WWTR1: variants seen among roughly 807,000 people sequenced by gnomAD.
WWTR1 encodes WW domain containing transcription regulator 1, also known as WW domain-containing transcription regulator protein 1.
Under a neutral mutation model 40.1 loss-of-function variants are expected in WWTR1, and 13 were observed. The ratio of observed to expected loss-of-function variants is 0.32; its 90% CI spans 0.21 to 0.52. The LOEUF is 0.52. WWTR1 is among the 20% of genes least tolerant of loss of function. The pLI, the probability that WWTR1 is intolerant of heterozygous loss-of-function variation, is 0.97. For missense variants in WWTR1, 436 were observed against 523.1 expected (o/e 0.83, Z 1.63); for synonymous variants, 230 against 210.1 (o/e 1.09, Z -0.82).
At chr3:149,635,536 G>A (rs531264903) in intron 2 of WWTR1, among the ~76,000 whole-genome samples, 44 of 151,470 alleles carry the variant, frequency 2.9e-4, no homozygotes, top group African/African-American at 1.0e-3. Context: ...AGAAGGAGAA[G>A]GAGAAAGAGA....
intron 1 of WWTR1, among the ~76,000 whole-genome samples, chr3:149,677,664 A>G (rs1033154519): frequency 1.3e-5 from 2 of 152,166 alleles, no homozygotes; most frequent in African/African-American, 2.4e-5. Flanking sequence ...AACATGGTGA[A>G]ACCCCATCTC....
chr3:149,532,521 T>C (rs140901549), intron 4 of WWTR1, among the ~76,000 whole-genome samples: 1 of 152,366 alleles, frequency 6.6e-6, no homozygotes, highest in Non-Finnish European at 1.5e-5. Flanking sequence ...GATGTTTTAC[T>C]TCACTTAAAT....
At chr3:149,566,722 G>A (rs976940791) in intron 3 of WWTR1, among the ~76,000 whole-genome samples, 4 of 151,012 alleles carry the variant, frequency 2.6e-5, no homozygotes, top group Non-Finnish European at 5.9e-5. Flanking sequence ...AAGCCTCTTT[G>A]TATACTTCCT....
chr3:149,712,507 A>G (rs1715498848), intron 5 of WWTR1, among the ~76,000 whole-genome samples: 1 of 152,158 alleles, frequency 6.6e-6, no homozygotes, highest in Non-Finnish European at 1.5e-5. Context: ...CTGTGTTGTT[A>G]TATATTGATC....
chr3:149,698,864 T>C (rs1715079646), intron 1 of WWTR1, among the ~76,000 whole-genome samples: 1 of 152,192 alleles, frequency 6.6e-6, no homozygotes, highest in African/African-American at 2.4e-5. Context: ...GGGAGCAGTG[T>C]TCCTGAGGTT....
At chr3:149,528,316 C>T (rs1735425992) in intron 4 of WWTR1, among the ~76,000 whole-genome samples, 1 of 152,172 alleles carries the variant, frequency 6.6e-6, no homozygotes, top group Non-Finnish European at 1.5e-5. Flanking sequence ...GTTCTCAAAC[C>T]AAATCTACAT....
intron 1 of WWTR1, among the ~76,000 whole-genome samples, chr3:149,694,505 G>C (rs1323501805): frequency 6.6e-6 from 1 of 152,132 alleles, no homozygotes; most frequent in Non-Finnish European, 1.5e-5. Context: ...CAATTGAAAT[G>C]GGCAAAATAT....
intron 1 of WWTR1, among the ~76,000 whole-genome samples, chr3:149,688,123 CTA>C (rs1559841731): frequency 6.6e-6 from 1 of 151,850 alleles, no homozygotes; most frequent in Non-Finnish European, 1.5e-5. Context: ...AAATAAAGTA[CTA>C]AATAGATTCC....
Position 149,657,105 on chromosome 3 carries a change from C to T in WWTR1, c.202G>A (p.Asp68Asn). ...GGCCCCGGGTGGCCGCCCGACGAGT[C>T]GGTGCTGGACTGGCGCGAGTGCGAG... is the stretch of plus-strand genomic sequence containing the variant. ...SGSHSRQSST[D>N]SSGGHPGPRL... Residue 68 changes from aspartate (D) to asparagine (N), a missense_variant, in exon 2 of 7, where the codon GAC becomes AAC. By Grantham distance (23) the Asp-to-Asn change is conservative (BLOSUM62 1). Transcript: ENST00000360632. 6.3e-7 allele frequency: 1 copy of T among 1,580,708 alleles called. No individual in the cohort carries two copies. The highest frequency in any genetic ancestry group is 8.6e-7 in the Non-Finnish European group (1 of 1,166,088).
chr3:149,556,995 C>T (rs184068678), intron 3 of WWTR1, among the ~76,000 whole-genome samples: 233 of 150,888 alleles, frequency 1.5e-3, no homozygotes, highest in African/African-American at 5.4e-3. Flanking sequence ...CATGCCACTA[C>T]CCAGTATTTA....
chr3:149,652,778 A>G (rs533697079), intron 2 of WWTR1, among the ~76,000 whole-genome samples: 2 of 152,134 alleles, frequency 1.3e-5, no homozygotes, highest in African/African-American at 4.8e-5. Flanking sequence ...TCACTTTCAT[A>G]TCAGGTGCTA....
intron 4 of WWTR1, among the ~76,000 whole-genome samples, chr3:149,529,830 T>C (rs1172865814): frequency 1.3e-5 from 2 of 152,162 alleles, no homozygotes. Flanking sequence ...AAAATGTATC[T>C]CATCAATGGT....
intron 1 of WWTR1, among the ~76,000 whole-genome samples, chr3:149,680,588 A>G (rs530372458): frequency 6.7e-6 from 1 of 149,888 alleles, no homozygotes; most frequent in African/African-American, 2.5e-5. Flanking sequence ...AAAAAAACGT[A>G]TTTGGGAGGC....
intron 2 of WWTR1, among the ~76,000 whole-genome samples, chr3:149,592,616 A>AAT (rs1560075751): frequency 6.6e-6 from 1 of 152,234 alleles, no homozygotes; most frequent in Non-Finnish European, 1.5e-5. Flanking sequence ...TATGTGTATA[A>AAT]ATATATATAC....
intron 2 of WWTR1, among the ~76,000 whole-genome samples, chr3:149,629,330 T>C (rs1172302665): frequency 6.6e-6 from 1 of 152,132 alleles, no homozygotes; most frequent in Non-Finnish European, 1.5e-5. Flanking sequence ...TTATATTGTA[T>C]TTTCCACCTA....
chr3:149,526,149 C>A lies in WWTR1; in HGVS notation c.906-24G>T, dbSNP rs188255985. ...CTCTGCAAAGCAAAAGATGAAGAAA[C>A]TTCAATATGAGCCCACTAAATAAAT... On this transcript the variant is annotated intron_variant, in intron 5 of 6. Transcript: ENST00000360632. 1.2e-5 allele frequency: 19 copies of A among 1,522,296 alleles called. No homozygotes were observed. In the African/African-American group the frequency reaches 2.0e-4, roughly 16 times the overall value. The allele number at this position is 1,522,296 out of a possible 1,614,324, so 94.3% of individuals were successfully genotyped here.
intron 2 of WWTR1, among the ~76,000 whole-genome samples, chr3:149,590,717 G>A (rs7626565): frequency 0.14 from 21,493 of 152,204 alleles, 1,600 homozygotes; most frequent in African/African-American, 0.18. Flanking sequence ...CCATGTGGCA[G>A]AGCAGAGTCA....
intron 1 of WWTR1, among the ~76,000 whole-genome samples, chr3:149,700,152 C>T (rs960045836): frequency 6.6e-6 from 1 of 152,074 alleles, no homozygotes; most frequent in Admixed American, 6.6e-5. Context: ...GAAGCAGTAG[C>T]TTATCTATTT....
intron 1 of WWTR1, among the ~76,000 whole-genome samples, chr3:149,673,152 G>A (rs1714150302): frequency 1.3e-5 from 2 of 152,156 alleles, no homozygotes; most frequent in Admixed American, 1.3e-4. Context: ...GAGGTAGGAT[G>A]ATTACTTGAG....
Sources: gnomAD v4.1 joint callset for allele counts (sites outside exome capture counted in the v4.1 genomes callset) on GRCh38, gnomAD v4.1.1 for gene constraint, MANE v1.5 for transcripts, NCBI Gene and HGNC (gene_info 2026-07-23, HGNC 2026-07-21) for gene names.